Variants in AMMECR1 observed in about 807,000 individuals in gnomAD.
The protein encoded by AMMECR1 is nuclear protein AMMECR1.
AMMECR1 carries 3 observed loss-of-function variants against 22.5 expected under a neutral mutation model. That is an observed-to-expected ratio of 0.13 (90% confidence interval 0.06 to 0.35). The LOEUF (loss-of-function observed/expected upper bound fraction) is 0.35, where lower values mean the gene tolerates loss of function less well. AMMECR1 is among the 10% of genes least tolerant of loss of function. AMMECR1 has a pLI of 1.00. For missense variants in AMMECR1, 235 were observed against 278.7 expected, an observed-to-expected ratio of 0.84 and a Z score of 1.12; for synonymous variants, 130 against 116.7, an observed-to-expected ratio of 1.11 and a Z score of -0.74.
chrX:110,415,538 G>A (rs2068671335), intron 2 of AMMECR1, among the ~76,000 whole-genome samples: 1 of 111,695 alleles, frequency 9.0e-6, no homozygotes, highest in African/African-American at 3.3e-5. Context: ...CAACCAATAT[G>A]TATTGATGCC....
chrX:110,273,829 G>T (rs1451594013), intron 1 of AMMECR1, among the ~76,000 whole-genome samples: 1 of 111,922 alleles, frequency 8.9e-6, no homozygotes, highest in African/African-American at 3.2e-5. Context: ...GTGTTCCACT[G>T]ATCTGTTTGT....
At chrX:110,395,199 C>T (rs895640906) in intron 2 of AMMECR1, among the ~76,000 whole-genome samples, 2 of 112,111 alleles carry the variant, frequency 1.8e-5, no homozygotes. Context: ...CGAGGGTGCC[C>T]CCACACCAGA....
In AMMECR1 at chrX:110,277,740, C is replaced by T. The variant is rs748327974; in HGVS notation, c.474-13141G>A. ...CAAGTCACTCTTAAAAAATTTCATACTGAGAACTCTAAAGTCCAAAGTAAT... is the reference window on the plus strand; with the variant it reads ...CAAGTCACTCTTAAAAAATTTCATATTGAGAACTCTAAAGTCCAAAGTAAT... On this transcript the variant is annotated intron_variant, in intron 1 of 5. Transcript: ENST00000262844. 3.6e-5 allele frequency among the ~76,000 whole-genome samples: 4 copies of T among 111,468 alleles called. No individual in the cohort carries two copies. In the South Asian group the frequency reaches 1.5e-3, roughly 43 times the overall value.
At chrX:110,307,861 TTTC>T (rs1427922601) in intron 1 of AMMECR1, among the ~76,000 whole-genome samples, 3 of 104,386 alleles carry the variant, frequency 2.9e-5, no homozygotes, top group Admixed American at 1.0e-4. Flanking sequence ...AACTTTTTTT[TTTC>T]TTTTTTTTTT....
intron 2 of AMMECR1, among the ~76,000 whole-genome samples, chrX:110,335,598 CAAGA>C (rs1225913902): frequency 8.9e-6 from 1 of 111,741 alleles, no homozygotes; most frequent in Admixed American, 9.5e-5. Flanking sequence ...AGTATGTGCT[CAAGA>C]AAGAATGAGT....
intron 3 of AMMECR1, among the ~76,000 whole-genome samples, chrX:110,213,075 G>T (rs929402586): frequency 2.7e-5 from 3 of 111,964 alleles, no homozygotes; most frequent in Non-Finnish European, 5.6e-5. Context: ...CAGAATATAT[G>T]TATAAAGTTT....
intron 2 of AMMECR1, among the ~76,000 whole-genome samples, chrX:110,391,946 C>T (rs756000449): frequency 1.8e-5 from 2 of 112,333 alleles, no homozygotes; most frequent in Admixed American, 1.9e-4. Context: ...CTCTGATGAA[C>T]AATTACCAAT....
intron 2 of AMMECR1, among the ~76,000 whole-genome samples, chrX:110,331,374 G>A (rs2068120165): frequency 9.3e-6 from 1 of 107,482 alleles, no homozygotes; most frequent in Non-Finnish European, 1.9e-5. Flanking sequence ...AAAGACACCT[G>A]AAATTCAACT....
intron 1 of AMMECR1, among the ~76,000 whole-genome samples, chrX:110,280,816 A>G (rs2067848699): frequency 8.9e-6 from 1 of 112,147 alleles, no homozygotes; most frequent in Non-Finnish European, 1.9e-5. Context: ...CTCTTCAAAA[A>G]TATTTTAATG....
rs146286316 is a variant in AMMECR1 at position 110,272,702 on chromosome X, C to A, written c.474-8103G>T. Among the ~76,000 whole-genome samples the A allele has an allele frequency of 3.3e-3, 370 of 111,689 alleles. 4 individuals carry two copies. The highest frequency in any genetic ancestry group is 0.012 in the African/African-American group (353 of 30,684). Reference sequence around the variant, plus strand: ...TTTGGAGTCTCCAGTGTCTATTATTCTTTCCATCTTTATGTCCATGTGTAC... The same window carrying A: ...TTTGGAGTCTCCAGTGTCTATTATTATTTCCATCTTTATGTCCATGTGTAC... On this transcript the variant is annotated intron_variant, in intron 1 of 5. Coordinates refer to ENST00000262844, the MANE Select transcript of AMMECR1 (RefSeq NM_015365.3).
chrX:110,431,379 G>A (rs1413263040), intron 1 of AMMECR1, among the ~76,000 whole-genome samples: 2 of 108,857 alleles, frequency 1.8e-5, no homozygotes, highest in Non-Finnish European at 3.8e-5. Flanking sequence ...GAAGGTGGGA[G>A]GAATACCAGG....
intron 1 of AMMECR1, among the ~76,000 whole-genome samples, chrX:110,432,143 A>G (rs865852283): frequency 2.5e-4 from 28 of 112,136 alleles, no homozygotes; most frequent in African/African-American, 8.8e-4. Flanking sequence ...CCCTGGGTGG[A>G]TCCAGATGAA....
chrX:110,399,161 A>G (rs1002933008), intron 2 of AMMECR1, among the ~76,000 whole-genome samples: 3 of 112,471 alleles, frequency 2.7e-5, no homozygotes, highest in African/African-American at 9.7e-5. Flanking sequence ...AGTGTATCAC[A>G]TAATGAGTGT....
At chrX:110,370,927 A>G (rs1343031786) in intron 2 of AMMECR1, among the ~76,000 whole-genome samples, 1 of 111,974 alleles carries the variant, frequency 8.9e-6, no homozygotes, top group African/African-American at 3.3e-5. Context: ...CACTCTATCA[A>G]TTCACTTTTG....
At chrX:110,321,961 T>C (rs1276427059), upstream of AMMECR1, among the ~76,000 whole-genome samples, 1 of 112,488 alleles carries the variant, frequency 8.9e-6, no homozygotes, top group Non-Finnish European at 1.9e-5. Flanking sequence ...ACTGAAATTC[T>C]TTACCTACTT....
intron 2 of AMMECR1, among the ~76,000 whole-genome samples, chrX:110,331,711 C>T (rs1225599484): frequency 2.7e-5 from 3 of 110,586 alleles, no homozygotes; most frequent in Non-Finnish European, 5.7e-5. Context: ...AATTTCTCAT[C>T]GTCTATAAGG....
At chrX:110,333,964 T>TTAAAA (rs780837739) in intron 2 of AMMECR1, among the ~76,000 whole-genome samples, 32 of 111,476 alleles carry the variant, frequency 2.9e-4, no homozygotes, top group Admixed American at 6.7e-4. Context: ...ACCCCAGAAC[T>TTAAAA]TAAAATAAAA....
intron 1 of AMMECR1, 90 bp downstream of exon 1, chrX:110,317,509 C>T (rs2068054945): frequency 1.8e-6 from 2 of 1,082,234 alleles, no homozygotes; most frequent in African/African-American, 1.9e-5. Context: ...CAGGGGCATC[C>T]GCCGGCCGGG....
At chrX:110,399,977 C>T (rs754304134) in intron 2 of AMMECR1, among the ~76,000 whole-genome samples, 12 of 111,054 alleles carry the variant, frequency 1.1e-4, no homozygotes, top group Non-Finnish European at 1.1e-4. Flanking sequence ...CACATTTCAA[C>T]GGAAAGACAT....
Sources: allele counts gnomAD v4.1 joint callset (sites outside exome capture counted in the v4.1 genomes callset), GRCh38; gene constraint gnomAD v4.1.1; transcripts MANE v1.5; gene names NCBI Gene and HGNC (gene_info 2026-07-23, HGNC 2026-07-21).